The following SMYD3 variants were observed in gnomAD, a reference collection of about 807,000 sequenced individuals.
The protein encoded by SMYD3 is SET and MYND domain containing 3.
Under a neutral mutation model 57.7 loss-of-function variants are expected in SMYD3, and 36 were observed. The observed-to-expected ratio is 0.62, with a 90% CI of 0.48 to 0.82. The LOEUF is 0.82. Ranked by LOEUF, SMYD3 falls within the 40% of genes least tolerant of loss-of-function variation. SMYD3 has a pLI of 0.00. For synonymous variants in SMYD3, 211 were observed against 195.0 expected (o/e 1.08, Z -0.68); for missense variants, 515 against 538.8 (o/e 0.96, Z 0.44).
chr1:246,460,218 C>T (rs2067776235), intron 1 of SMYD3, among the ~76,000 whole-genome samples: 1 of 152,218 alleles, frequency 6.6e-6, no homozygotes, highest in African/African-American at 2.4e-5. Context: ...TTGTCAAAAA[C>T]ATCTATTCCT....
At chr1:246,007,851 T>C (rs762385839) in intron 5 of SMYD3, among the ~76,000 whole-genome samples, 8 of 148,284 alleles carry the variant, frequency 5.4e-5, no homozygotes, top group Non-Finnish European at 8.9e-5. Context: ...ACAAAAAATA[T>C]ACTGTGGGGC....
At chr1:246,440,924 A>T (rs1265557204) in intron 1 of SMYD3, among the ~76,000 whole-genome samples, 1 of 152,184 alleles carries the variant, frequency 6.6e-6, no homozygotes, top group Non-Finnish European at 1.5e-5. Flanking sequence ...CAATAACCTC[A>T]GTGCCATGTG....
rs540905981 is a variant in SMYD3 at position 246,371,582 on chromosome 1, T to A, written c.165-16488A>T. Among the ~76,000 whole-genome samples, 3 of 152,340 alleles carry A rather than the reference T, an allele frequency of 2.0e-5. 1 individual carries two copies. In the South Asian group the frequency reaches 6.2e-4, roughly 32 times the overall value. Reference sequence around the variant, plus strand: ...ACTATTGCTAGTACAAATATCACAGTAAATACATTTTTAAAAAGTACCATG... The same window carrying A: ...ACTATTGCTAGTACAAATATCACAGAAAATACATTTTTAAAAAGTACCATG... On this transcript the variant is annotated intron_variant, in intron 1 of 11. Coordinates refer to ENST00000490107, the MANE Select transcript of SMYD3 (RefSeq NM_001167740.2).
intron 5 of SMYD3, among the ~76,000 whole-genome samples, chr1:246,165,421 T>G (rs1291178654): frequency 6.6e-6 from 1 of 152,030 alleles, no homozygotes; most frequent in Non-Finnish European, 1.5e-5. Flanking sequence ...TGAAAATAAT[T>G]GAGACTAGAT....
chr1:246,322,176 G>C (rs2065260082), intron 5 of SMYD3: 1 of 152,358 alleles, frequency 6.6e-6, no homozygotes, highest in Non-Finnish European at 1.5e-5. Context: ...GACCAGCCTG[G>C]CCAACATGAC....
intron 1 of SMYD3, among the ~76,000 whole-genome samples, chr1:246,382,747 T>C (rs1409812226): frequency 6.6e-6 from 1 of 150,450 alleles, no homozygotes; most frequent in African/African-American, 2.5e-5. Context: ...GGTCTCTTTC[T>C]GCATACTCAA....
At chr1:245,979,267 T>G (rs148699217) in intron 5 of SMYD3, among the ~76,000 whole-genome samples, 179 of 152,224 alleles carry the variant, frequency 1.2e-3, no homozygotes, top group African/African-American at 4.0e-3. Flanking sequence ...TAGGGGTGAA[T>G]AAGGAAGTTC....
rs181233903 is a variant in SMYD3, at chr1:246,494,719, T to A, written c.164+12335A>T. Reference sequence around the variant, plus strand: ...AGACGTAAACACAGCAGCTAAAAAATGCTAACAAGGATTAAATTTTTATAT... The same window carrying A: ...AGACGTAAACACAGCAGCTAAAAAAAGCTAACAAGGATTAAATTTTTATAT... On this transcript the variant is annotated intron_variant, in intron 1 of 11. Coordinates refer to ENST00000490107, the MANE Select transcript of SMYD3 (RefSeq NM_001167740.2). Among the ~76,000 whole-genome samples the A allele has an allele frequency of 7.9e-5, 12 of 152,318 alleles. No individual in the cohort carries two copies. The East Asian group carries it at 1.9e-3, about 24-fold the overall frequency.
intron 1 of SMYD3, among the ~76,000 whole-genome samples, chr1:246,358,744 A>G (rs1311784647): frequency 6.6e-6 from 1 of 152,216 alleles, no homozygotes; most frequent in Non-Finnish European, 1.5e-5. Flanking sequence ...CAAGATGGAA[A>G]TTTAAAAAGT....
At chr1:246,185,446 A>ATTTT in intron 5 of SMYD3, among the ~76,000 whole-genome samples, 1 of 93,898 alleles carries the variant, frequency 1.1e-5, no homozygotes, top group Non-Finnish European at 1.9e-5. Flanking sequence ...CATGTTAGTG[A>ATTTT]TTCTTTTTTT....
At chr1:246,175,636 T>C (rs2062419876) in intron 5 of SMYD3, among the ~76,000 whole-genome samples, 1 of 152,124 alleles carries the variant, frequency 6.6e-6, no homozygotes, top group African/African-American at 2.4e-5. Context: ...TTCACTCAAT[T>C]TGGGGAAACA....
intron 10 of SMYD3, among the ~76,000 whole-genome samples, chr1:245,774,723 T>C (rs1332622775): frequency 6.8e-6 from 1 of 147,054 alleles, no homozygotes; most frequent in Non-Finnish European, 1.5e-5. Flanking sequence ...CCTCTCCCTC[T>C]CTTTCCACGG....
At chr1:246,395,422 C>A (rs1279379987) in intron 1 of SMYD3, among the ~76,000 whole-genome samples, 1 of 152,212 alleles carries the variant, frequency 6.6e-6, no homozygotes, top group East Asian at 1.9e-4. Context: ...CTTCTATTTT[C>A]CTTCAGCCTG....
In SMYD3 at chr1:246,236,698, G is replaced by T. The variant is rs140144911; in HGVS notation, c.531+90503C>A. Among the ~76,000 whole-genome samples, 1,013 of 152,174 alleles carry T rather than the reference G, an allele frequency of 6.7e-3. 15 individuals are homozygous for T. Among genetic ancestry groups the T allele is most frequent in the African/African-American group, 0.022 (924 of 41,518 alleles). ...CAAAGTTTTTTTATTTTTCTGCAGA[G>T]GCGGCATCTCCCTATGTTGCCCAGG... On this transcript the variant is annotated intron_variant, in intron 5 of 11. Coordinates refer to ENST00000490107, the MANE Select transcript of SMYD3 (RefSeq NM_001167740.2).
chr1:245,825,552 C>T (rs140014396), intron 10 of SMYD3, among the ~76,000 whole-genome samples: 1 of 152,108 alleles, frequency 6.6e-6, no homozygotes, highest in Non-Finnish European at 1.5e-5. Context: ...CTAGGCGGGC[C>T]GAGGCCATGC....
chr1:246,272,625 G>A (rs1002675422), intron 5 of SMYD3, among the ~76,000 whole-genome samples: 1 of 151,910 alleles, frequency 6.6e-6, no homozygotes, highest in Admixed American at 6.6e-5. Context: ...TGCAGTCTGG[G>A]AATAAATGCC....
At chr1:246,481,623 C>CACAT (rs2068106772) in intron 1 of SMYD3, among the ~76,000 whole-genome samples, 5 of 20,364 alleles carry the variant, frequency 2.5e-4, no homozygotes, top group African/African-American at 6.4e-4. Context: ...TACATATATA[C>CACAT]ATACATACAT....
intron 5 of SMYD3, among the ~76,000 whole-genome samples, chr1:246,030,575 CAAAT>C (rs1370009783): frequency 2.6e-5 from 4 of 152,040 alleles, no homozygotes; most frequent in Admixed American, 6.5e-5. Context: ...GTTCACAACA[CAAAT>C]AAATATTTGA....
intron 7 of SMYD3, among the ~76,000 whole-genome samples, chr1:245,921,606 G>A (rs984664412): frequency 6.7e-6 from 1 of 148,184 alleles, no homozygotes; most frequent in African/African-American, 2.5e-5. Context: ...CCATAAAAAA[G>A]AATGACATCA....
Sources: allele counts gnomAD v4.1 joint callset (sites outside exome capture counted in the v4.1 genomes callset), GRCh38; gene constraint gnomAD v4.1.1; transcripts MANE v1.5; gene names NCBI Gene and HGNC (gene_info 2026-07-23, HGNC 2026-07-21).